Variants in ATXN8OS observed in about 807,000 individuals in gnomAD.
ATXN8OS encodes the protein ATXN8 opposite strand lncRNA.
intron 2 of ATXN8OS, among the ~76,000 whole-genome samples, chr13:70,123,024 T>C (rs1888383642): frequency 6.6e-6 from 1 of 152,030 alleles, no homozygotes; most frequent in Non-Finnish European, 1.5e-5. Context: ...AAATTAAATA[T>C]ATATTTTATC....
intron 4 of ATXN8OS, among the ~76,000 whole-genome samples, chr13:70,166,642 T>G (rs113347317): frequency 6.6e-6 from 1 of 152,036 alleles, no homozygotes; most frequent in Non-Finnish European, 1.5e-5. Context: ...CCAAAAGCAA[T>G]GGCAACAAAA....
rs80332999 is a variant in ATXN8OS at position 70,116,680 on chromosome 13, C to T, written n.398+1382C>T. On this transcript the variant is annotated intron_variant and non_coding_transcript_variant, in intron 2 of 4. Transcript: ENST00000678624. ...ATTTGGAGCATTGGAGTGATAGCAT[C>T]TGACTTCCATTTTCTAAGATCACTC... Among the ~76,000 whole-genome samples the T allele has an allele frequency of 4.6e-3, 700 of 152,228 alleles. 6 individuals carry two copies. Among genetic ancestry groups the T allele is most frequent in the African/African-American group, 0.016 (671 of 41,550 alleles).
Position 70,107,946 on chromosome 13 carries a change from G to C in ATXN8OS, n.167G>C, listed in dbSNP as rs192961688. 21 of 466,594 alleles carry C rather than the reference G, an allele frequency of 4.5e-5. No individual in the cohort carries two copies. The Admixed American group carries it at 7.6e-4, about 17-fold the overall frequency. 28.9% of individuals were successfully genotyped at this position (466,594 alleles called of 1,614,324 possible). ...TGGGCGTGGGGACACCACCAGGCAG[G>C]AGCAGAGGCAGGACTGGGACGCCAA... On this transcript the variant is annotated non_coding_transcript_exon_variant, in exon 1 of 5. Transcript: ENST00000678624.
chr13:70,128,451 A>G (rs575652280), intron 2 of ATXN8OS, among the ~76,000 whole-genome samples: 1 of 152,250 alleles, frequency 6.6e-6, no homozygotes, highest in South Asian at 2.1e-4. Context: ...CCGTAGTTGT[A>G]CTAAGAAGGG....
intron 3 of ATXN8OS, among the ~76,000 whole-genome samples, chr13:70,132,864 T>A (rs117804658): frequency 0.083 from 12,619 of 152,072 alleles, 634 homozygotes; most frequent in Middle Eastern, 0.18. Context: ...GTCTATTTTT[T>A]TTTTTGCATG....
intron 4 of ATXN8OS, among the ~76,000 whole-genome samples, chr13:70,167,260 C>A (rs1889086239): frequency 1.3e-5 from 2 of 152,012 alleles, no homozygotes; most frequent in South Asian, 4.2e-4. Flanking sequence ...AGACTTGGAA[C>A]CAAATGTCTA....
chr13:70,158,780 C>A (rs1888967061), intron 4 of ATXN8OS, among the ~76,000 whole-genome samples: 1 of 152,088 alleles, frequency 6.6e-6, no homozygotes, highest in Non-Finnish European at 1.5e-5. Flanking sequence ...ATATATCATG[C>A]AATATCTCTT....
At chr13:70,111,281 C>T (rs1487506132) in intron 1 of ATXN8OS, among the ~76,000 whole-genome samples, 2 of 152,116 alleles carry the variant, frequency 1.3e-5, no homozygotes, top group Non-Finnish European at 2.9e-5. Flanking sequence ...TTATCTGTTA[C>T]TTGTAATAGA....
intron 4 of ATXN8OS, among the ~76,000 whole-genome samples, chr13:70,164,327 T>A (rs1213614511): frequency 6.6e-6 from 1 of 151,728 alleles, no homozygotes; most frequent in Non-Finnish European, 1.5e-5. Context: ...CCTCTTTACA[T>A]CTTCCTTCTC....
chr13:70,110,319 A>C (rs1366583459), intron 1 of ATXN8OS, among the ~76,000 whole-genome samples: 1 of 152,132 alleles, frequency 6.6e-6, no homozygotes, highest in Non-Finnish European at 1.5e-5. Context: ...AGTTTGAAAA[A>C]ATCACTCTTC....
At chr13:70,121,687 T>C (rs1888361703) in intron 2 of ATXN8OS, among the ~76,000 whole-genome samples, 1 of 152,140 alleles carries the variant, frequency 6.6e-6, no homozygotes, top group African/African-American at 2.4e-5. Flanking sequence ...ATAGATATGA[T>C]TTACAGCACA....
chr13:70,158,391 C>G (rs548582494), intron 4 of ATXN8OS, among the ~76,000 whole-genome samples: 2 of 152,296 alleles, frequency 1.3e-5, no homozygotes, highest in Non-Finnish European at 1.5e-5. Flanking sequence ...GCACTCCAGC[C>G]TGGGCGACAG....
intron 2 of ATXN8OS, among the ~76,000 whole-genome samples, chr13:70,120,118 AT>A (rs559186212): frequency 6.6e-6 from 1 of 152,080 alleles, no homozygotes; most frequent in African/African-American, 2.4e-5. Flanking sequence ...CATATTTGCA[AT>A]TTTTTCTTGT....
chr13:70,126,002 T>C (rs1888428189), intron 2 of ATXN8OS, among the ~76,000 whole-genome samples: 1 of 152,168 alleles, frequency 6.6e-6, no homozygotes, highest in Non-Finnish European at 1.5e-5. Flanking sequence ...CCAAATCATC[T>C]GGTGCTACTA....
At chr13:70,136,358 G>T (rs529215216) in intron 3 of ATXN8OS, among the ~76,000 whole-genome samples, 1 of 152,020 alleles carries the variant, frequency 6.6e-6, no homozygotes, top group Admixed American at 6.6e-5. Context: ...AGTCTTCCAA[G>T]ATCCAAATAC....
intron 4 of ATXN8OS, among the ~76,000 whole-genome samples, chr13:70,157,359 T>C (rs1002390527): frequency 6.6e-6 from 1 of 152,004 alleles, no homozygotes; most frequent in Non-Finnish European, 1.5e-5. Context: ...CATTAAACCA[T>C]AAAAGGAGAA....
chr13:70,145,611 C>A (rs905207175), intron 3 of ATXN8OS, among the ~76,000 whole-genome samples: 1 of 152,080 alleles, frequency 6.6e-6, no homozygotes, highest in Non-Finnish European at 1.5e-5. Context: ...CTCTTTGAAG[C>A]AATTGTGAAT....
chr13:70,142,286 A>T (rs1025788260), intron 3 of ATXN8OS, among the ~76,000 whole-genome samples: 1 of 152,224 alleles, frequency 6.6e-6, no homozygotes, highest in Non-Finnish European at 1.5e-5. Flanking sequence ...TTTATTTATA[A>T]CTTGGGGTTA....
intron 3 of ATXN8OS, among the ~76,000 whole-genome samples, chr13:70,136,213 A>G (rs918771474): frequency 3.3e-5 from 5 of 152,218 alleles, no homozygotes; most frequent in Non-Finnish European, 7.3e-5. Context: ...TTGTTATGAA[A>G]TAATATTCTC....
Sources: allele counts gnomAD v4.1 joint callset (sites outside exome capture counted in the v4.1 genomes callset), GRCh38; gene constraint gnomAD v4.1.1; transcripts MANE v1.5; gene names NCBI Gene and HGNC (gene_info 2026-07-23, HGNC 2026-07-21).